Variants in CCDC141 observed in about 807,000 individuals in gnomAD.
CCDC141 encodes the protein coiled-coil domain-containing protein 141.
CCDC141 carries 168 observed loss-of-function variants against 181.0 expected under a neutral mutation model. That is an observed-to-expected ratio of 0.93 (90% confidence interval 0.82 to 1.05). The LOEUF (loss-of-function observed/expected upper bound fraction) is 1.05. Among genes scored for constraint, CCDC141 ranks in the 50% least tolerant of loss-of-function variants. CCDC141 has a pLI of 0.00. For synonymous variants in CCDC141, 666 were observed against 642.3 expected (o/e 1.04, Z -0.56); for missense variants, 1,902 against 1,788.5 (o/e 1.06, Z -1.14).
rs1684210227 is a variant in CCDC141 at position 178,830,554 on chromosome 2, T to A, written c.*3619A>T. ...TGGCAACAATTCAATTCAAAAGAGTTTACTGAGTGTGACTGTGTCTTAGGT... is the reference window on the plus strand; with the variant it reads ...TGGCAACAATTCAATTCAAAAGAGTATACTGAGTGTGACTGTGTCTTAGGT... On this transcript the variant is annotated 3_prime_UTR_variant, in exon 24 of 24. Transcript: ENST00000443758. The A allele has an allele frequency of 6.6e-6, 1 of 152,224 alleles. No individual in the cohort carries two copies. Among genetic ancestry groups the A allele is most frequent in the Non-Finnish European group, 1.5e-5 (1 of 68,058 alleles). 9.4% of individuals were successfully genotyped at this position (152,224 alleles called of 1,614,324 possible). A position where few individuals can be genotyped will look rare whatever the true frequency, so the allele number is the denominator to read the frequency against.
intron 4 of CCDC141, among the ~76,000 whole-genome samples, chr2:178,966,105 C>G (rs1002993735): frequency 1.3e-5 from 2 of 152,182 alleles, no homozygotes; most frequent in Non-Finnish European, 2.9e-5. Context: ...GAAAAAAAGG[C>G]AGCCGCCCCA....
At chr2:178,940,761 T>C (rs2154376809) in intron 6 of CCDC141, among the ~76,000 whole-genome samples, 2 of 152,300 alleles carry the variant, frequency 1.3e-5, no homozygotes, top group Middle Eastern at 6.8e-3. Flanking sequence ...CTGTCCAATG[T>C]GCTGGGAATA....
chr2:178,961,384 A>C lies in CCDC141; in HGVS notation c.626T>G (p.Leu209Trp). The change falls in exon 5 of 24, where the codon TTG becomes TGG. Residue 209 changes from leucine (L) to tryptophan (W), a missense_variant. Coordinates refer to ENST00000443758, the MANE Select transcript of CCDC141 (RefSeq NM_173648.4). ...ACAGCTGCTATGAGCTCCCTGAGTCAACTCAGGATTCACATTAGGTCCTTC... is the reference window on the plus strand; with the variant it reads ...ACAGCTGCTATGAGCTCCCTGAGTCCACTCAGGATTCACATTAGGTCCTTC... ...KCEGPNVNPELTQGAHSSCLK... is the reference protein window; with the variant it reads ...KCEGPNVNPEWTQGAHSSCLK... 2 of 1,550,590 alleles carry C rather than the reference A, an allele frequency of 1.3e-6. No homozygotes were observed. The highest frequency in any genetic ancestry group is 2.4e-5 in the South Asian group (2 of 84,052).
intron 2 of CCDC141, among the ~76,000 whole-genome samples, chr2:179,015,242 C>G (rs1383255554): frequency 9.6e-5 from 13 of 135,482 alleles, no homozygotes; most frequent in African/African-American, 3.6e-4. Flanking sequence ...ATATATATAT[C>G]TCATATATAT....
chr2:178,949,119 G>C (rs1279312295), intron 5 of CCDC141, among the ~76,000 whole-genome samples: 3 of 152,152 alleles, frequency 2.0e-5, no homozygotes, highest in Non-Finnish European at 2.9e-5. Context: ...AGTTGATACA[G>C]GGATGTACCA....
At chr2:179,031,268 T>C (rs2042992713) in intron 2 of CCDC141, among the ~76,000 whole-genome samples, 2 of 151,952 alleles carry the variant, frequency 1.3e-5, no homozygotes, top group Admixed American at 1.3e-4. Context: ...GTTTCTTTCA[T>C]CTAAGTGTTG....
At chr2:178,995,244 C>T (rs141810138) in intron 2 of CCDC141, among the ~76,000 whole-genome samples, 36 of 152,288 alleles carry the variant, frequency 2.4e-4, no homozygotes, top group Middle Eastern at 3.4e-3. Context: ...TCCACCTGTT[C>T]GGAGATGCCT....
intron 4 of CCDC141, among the ~76,000 whole-genome samples, chr2:178,974,299 C>A (rs1479622390): frequency 6.6e-6 from 1 of 152,156 alleles, no homozygotes; most frequent in African/African-American, 2.4e-5. Flanking sequence ...ACCTTTCTAT[C>A]CAGACCCTAT....
At chr2:178,948,607 G>C (rs1689827124) in intron 5 of CCDC141, among the ~76,000 whole-genome samples, 1 of 152,134 alleles carries the variant, frequency 6.6e-6, no homozygotes. Context: ...CCCAGTGTTG[G>C]AGATGGCATC....
intron 2 of CCDC141, among the ~76,000 whole-genome samples, chr2:179,032,128 A>G (rs909169409): frequency 6.6e-5 from 10 of 151,920 alleles, no homozygotes; most frequent in Admixed American, 2.0e-4. Flanking sequence ...AACCCCCCTT[A>G]CTGGTTCTCT....
chr2:178,938,245 C>A (rs1161580034), intron 6 of CCDC141, among the ~76,000 whole-genome samples: 2 of 152,096 alleles, frequency 1.3e-5, no homozygotes, highest in Non-Finnish European at 2.9e-5. Flanking sequence ...CTATGAATTT[C>A]CCTCTTCACA....
chr2:178,923,108 T>A (rs201164374), intron 6 of CCDC141, among the ~76,000 whole-genome samples: 1 of 143,912 alleles, frequency 6.9e-6, no homozygotes, highest in East Asian at 2.2e-4. Flanking sequence ...TTTTTTTTTT[T>A]CTTTTTTTTT....
Position 178,833,903 on chromosome 2 carries a change from T to A in CCDC141, c.*270A>T, listed in dbSNP as rs982900755. On this transcript the variant is annotated 3_prime_UTR_variant, in exon 24 of 24. Transcript: ENST00000443758. ...TTAGGAGGGAATAGGCATAGAATAA[T>A]TTTGCTGCATATTATGTTGAAAACA... 4 of 370,332 alleles carry A rather than the reference T, an allele frequency of 1.1e-5. No homozygotes were observed. Among genetic ancestry groups the A allele is most frequent in the Non-Finnish European group, 1.5e-5 (3 of 204,772 alleles). 22.9% of individuals were successfully genotyped at this position (370,332 alleles called of 1,614,324 possible).
At chr2:178,991,627 A>G (rs1477304139) in intron 2 of CCDC141, among the ~76,000 whole-genome samples, 1 of 152,118 alleles carries the variant, frequency 6.6e-6, no homozygotes, top group Non-Finnish European at 1.5e-5. Context: ...GTTTGATAGT[A>G]GAGTGACTAT....
intron 1 of CCDC141, among the ~76,000 whole-genome samples, chr2:179,048,169 T>C (rs1302267691): frequency 6.6e-6 from 1 of 152,210 alleles, no homozygotes; most frequent in Non-Finnish European, 1.5e-5. Flanking sequence ...CTAACACGCA[T>C]ACGCATGTAG....
chr2:179,024,890 T>C (rs2042789385), intron 2 of CCDC141, among the ~76,000 whole-genome samples: 1 of 152,200 alleles, frequency 6.6e-6, no homozygotes, highest in African/African-American at 2.4e-5. Flanking sequence ...CATTGTGTTT[T>C]AGAATTACTG....
chr2:179,036,012 G>C (rs1379392150), intron 2 of CCDC141, among the ~76,000 whole-genome samples: 1 of 152,160 alleles, frequency 6.6e-6, no homozygotes, highest in African/African-American at 2.4e-5. Context: ...CAGAAATATG[G>C]AGGACACCTC....
intron 2 of CCDC141, among the ~76,000 whole-genome samples, chr2:178,984,342 T>C (rs879879308): frequency 6.6e-6 from 1 of 151,338 alleles, no homozygotes; most frequent in African/African-American, 2.4e-5. Context: ...GAACAACCAG[T>C]ACCAGCCGCT....
intron 23 of CCDC141, 100 bp downstream of exon 23, chr2:178,836,794 A>C (rs933547704): frequency 1.5e-6 from 2 of 1,316,672 alleles, no homozygotes; most frequent in Non-Finnish European, 2.1e-6. Context: ...ATAGAATATT[A>C]ATCAGCTAGC....
Sources: allele counts gnomAD v4.1 joint callset (sites outside exome capture counted in the v4.1 genomes callset), GRCh38; gene constraint gnomAD v4.1.1; transcripts MANE v1.5; gene names NCBI Gene and HGNC (gene_info 2026-07-23, HGNC 2026-07-21).